The following GLIS3 variants were observed in gnomAD, a reference collection of about 807,000 sequenced individuals.
GLIS3 encodes GLIS family zinc finger 3, also known as zinc finger protein GLIS3.
In GLIS3, 53 loss-of-function variants were observed where a neutral mutation model predicts 78.6. The ratio of observed to expected loss-of-function variants is 0.67; its 90% CI spans 0.54 to 0.85. The LOEUF (loss-of-function observed/expected upper bound fraction) is 0.85. GLIS3 is among the 40% of genes least tolerant of loss of function. The pLI is 0.00. For missense variants in GLIS3, 1,703 were observed against 1,231.1 expected (o/e 1.38, Z -5.74); for synonymous variants, 684 against 509.9 (o/e 1.34, Z -4.60).
chr9:4,160,822 A>C (rs1159614956), intron 2 of GLIS3, among the ~76,000 whole-genome samples: 1 of 152,228 alleles, frequency 6.6e-6, no homozygotes, highest in Non-Finnish European at 1.5e-5. Flanking sequence ...CTTCAAAAGA[A>C]TATTTAAATC....
At chr9:3,873,470 TATG>T (rs1821095705) in intron 8 of GLIS3, among the ~76,000 whole-genome samples, 1 of 152,056 alleles carries the variant, frequency 6.6e-6, no homozygotes, top group Non-Finnish European at 1.5e-5. Flanking sequence ...CAAAAAACCA[TATG>T]ATCATCAGTT....
intron 2 of GLIS3, among the ~76,000 whole-genome samples, chr9:4,341,378 CCTT>C (rs996897282): frequency 1.1e-4 from 17 of 152,220 alleles, no homozygotes; most frequent in Admixed American, 7.8e-4. Context: ...AATCAACTCT[CCTT>C]CTTCTCCAGG....
chr9:3,889,050 G>A (rs955749443), intron 7 of GLIS3, among the ~76,000 whole-genome samples: 3 of 152,026 alleles, frequency 2.0e-5, no homozygotes, highest in African/African-American at 7.2e-5. Flanking sequence ...TTAGATTTTC[G>A]AAAACATAAC....
chr9:4,053,952 T>C (rs1214605143), intron 4 of GLIS3, among the ~76,000 whole-genome samples: 1 of 152,202 alleles, frequency 6.6e-6, no homozygotes, highest in Non-Finnish European at 1.5e-5. Context: ...TTCTGTTTTG[T>C]TTATCAAATA....
chr9:4,337,865 T>C lies in GLIS3; in HGVS notation n.264+9216A>G, dbSNP rs1046369801. ...TCACAAAACTCTATGAGGCAACTAT[T>C]ACCCCCATTTGAAAGATGAAGAAAC... is the stretch of plus-strand genomic sequence containing the variant. On this transcript the variant is annotated intron_variant and non_coding_transcript_variant, in intron 2 of 4. Transcript: ENST00000471664. 5.9e-5 allele frequency among the ~76,000 whole-genome samples: 9 copies of C among 152,290 alleles called. No individual in the cohort carries two copies. The South Asian group carries it at 1.5e-3, about 25-fold the overall frequency.
intron 4 of GLIS3, among the ~76,000 whole-genome samples, chr9:4,074,523 C>T (rs1827891050): frequency 6.6e-6 from 1 of 152,150 alleles, no homozygotes; most frequent in South Asian, 2.1e-4. Context: ...AGCTGGTTTC[C>T]TCCCTCATCA....
intron 4 of GLIS3, among the ~76,000 whole-genome samples, chr9:3,952,520 C>G (rs28520598): frequency 0.26 from 40,026 of 152,102 alleles, 5,956 homozygotes; most frequent in African/African-American, 0.42. Flanking sequence ...ACAGCCCACT[C>G]CTGGGTTCTG....
intron 2 of GLIS3, among the ~76,000 whole-genome samples, chr9:4,185,363 G>C (rs1031842044): frequency 6.6e-6 from 1 of 152,110 alleles, no homozygotes; most frequent in African/African-American, 2.4e-5. Flanking sequence ...CCAGCTGATG[G>C]ACATTTGGAT....
intron 2 of GLIS3, among the ~76,000 whole-genome samples, chr9:4,233,946 C>G (rs1373716458): frequency 3.3e-5 from 5 of 152,154 alleles, no homozygotes; most frequent in Non-Finnish European, 7.4e-5. Context: ...GCTTTTTTTC[C>G]TTAAACTTCA....
chr9:4,409,314 G>A, the GLIS3 span, among the ~76,000 whole-genome samples: 2 of 152,150 alleles, frequency 1.3e-5, no homozygotes, highest in Non-Finnish European at 2.9e-5. Context: ...AACTTTAACA[G>A]GGCTTAATTG....
At chr9:4,189,702 G>C (rs546505838) in intron 2 of GLIS3, among the ~76,000 whole-genome samples, 20 of 152,248 alleles carry the variant, frequency 1.3e-4, no homozygotes, top group African/African-American at 4.6e-4. Context: ...TATATATTTA[G>C]GATAGTTAGC....
intron 4 of GLIS3, among the ~76,000 whole-genome samples, chr9:4,076,948 A>C (rs989322248): frequency 4.6e-5 from 7 of 152,166 alleles, no homozygotes; most frequent in African/African-American, 1.4e-4. Context: ...AGTCCTAGCT[A>C]CTTGGGAGGT....
At chr9:4,122,162 G>A (rs1290220827) in intron 3 of GLIS3, among the ~76,000 whole-genome samples, 1 of 152,140 alleles carries the variant, frequency 6.6e-6, no homozygotes, top group Non-Finnish European at 1.5e-5. Flanking sequence ...ACTTGTATGG[G>A]GCCATAAGAG....
chr9:4,429,453 T>C, the GLIS3 span, among the ~76,000 whole-genome samples: 1 of 152,166 alleles, frequency 6.6e-6, no homozygotes, highest in Non-Finnish European at 1.5e-5. Context: ...TTTTCACTCC[T>C]CTTCAACTGA....
At chr9:3,993,075 G>A (rs903078257) in intron 4 of GLIS3, among the ~76,000 whole-genome samples, 1 of 152,184 alleles carries the variant, frequency 6.6e-6, no homozygotes, top group Non-Finnish European at 1.5e-5. Flanking sequence ...TGAGCTACAG[G>A]ATGGTGGGGA....
intron 2 of GLIS3, among the ~76,000 whole-genome samples, chr9:4,254,023 G>A (rs1045622297): frequency 5.3e-5 from 8 of 152,186 alleles, no homozygotes; most frequent in Non-Finnish European, 1.5e-5. Context: ...ATTGGGAGCT[G>A]CAGACCTGAG....
the GLIS3 span, among the ~76,000 whole-genome samples, chr9:4,422,778 C>T: frequency 1.3e-5 from 2 of 152,192 alleles, no homozygotes; most frequent in African/African-American, 4.8e-5. Flanking sequence ...GCGGGGCAGC[C>T]CAGGGAAGGT....
At chr9:4,385,725 A>G in the GLIS3 span, among the ~76,000 whole-genome samples, 1 of 27,380 alleles carries the variant, frequency 3.7e-5, no homozygotes, top group Non-Finnish European at 8.9e-5. Context: ...GAGAGAGAGA[A>G]AGAAAGAAAG....
At chr9:3,858,467 CTG>C (rs1475796892) in intron 8 of GLIS3, among the ~76,000 whole-genome samples, 3 of 152,090 alleles carry the variant, frequency 2.0e-5, no homozygotes, top group African/African-American at 7.2e-5. Context: ...GGTTTTAGCA[CTG>C]CTATCTCAAG....
Sources: gnomAD v4.1 joint callset for allele counts (sites outside exome capture counted in the v4.1 genomes callset) on GRCh38, gnomAD v4.1.1 for gene constraint, MANE v1.5 for transcripts, NCBI Gene and HGNC (gene_info 2026-07-23, HGNC 2026-07-21) for gene names.